Variants in STK39 observed in about 807,000 individuals in gnomAD.
The protein encoded by STK39 is serine/threonine kinase 39.
Under a neutral mutation model 77.8 loss-of-function variants are expected in STK39, and 20 were observed. That is an observed-to-expected ratio of 0.26 (90% CI 0.18 to 0.37). The LOEUF is 0.37. Ranked by LOEUF, STK39 falls within the 10% of genes least tolerant of loss-of-function variation. The pLI, the probability that STK39 is intolerant of heterozygous loss-of-function variation, is 1.00. For missense variants in STK39, 479 were observed against 656.5 expected (o/e 0.73, Z 2.95); for synonymous variants, 246 against 234.1 (o/e 1.05, Z -0.47).
intron 1 of STK39, among the ~76,000 whole-genome samples, chr2:168,241,432 G>A (rs568261836): frequency 1.3e-5 from 2 of 152,178 alleles, no homozygotes; most frequent in South Asian, 2.1e-4. Flanking sequence ...CAACCTTCCC[G>A]CAGGATGCTC....
intron 17 of STK39, among the ~76,000 whole-genome samples, chr2:167,962,380 A>C (rs894907569): frequency 6.6e-6 from 1 of 152,204 alleles, no homozygotes; most frequent in Non-Finnish European, 1.5e-5. Context: ...AGCTCTGCCA[A>C]GTGGATCTCA....
At position 168,243,980 on chromosome 2, in the gene STK39, G is replaced by A. The variant is rs746468504; in HGVS notation, c.208+3248C>T. Among the ~76,000 whole-genome samples, 3 of 152,088 alleles carry A rather than the reference G, an allele frequency of 2.0e-5. No individual in the cohort carries two copies. In the East Asian group the frequency reaches 5.8e-4, roughly 29 times the overall value. On this transcript the variant is annotated intron_variant, in intron 1 of 17. Coordinates refer to ENST00000355999, the MANE Select transcript of STK39 (RefSeq NM_013233.3). ...CAAGGCTGAAGAGTATAAACAGGTC[G>A]GAAAGCCTCCAAAAAGACAGAAATA...
At chr2:168,194,935 T>C (rs1354090826) in intron 1 of STK39, among the ~76,000 whole-genome samples, 1 of 152,220 alleles carries the variant, frequency 6.6e-6, no homozygotes, top group African/African-American at 2.4e-5. Context: ...CCCAGATGTA[T>C]GACACATCTC....
rs1684406774 is a variant in STK39, at chr2:168,016,401, A to AAAG, written c.1429+641_1429+642insCTT. Among the ~76,000 whole-genome samples the AAAG allele has an allele frequency of 2.0e-5, 3 of 150,816 alleles. No individual in the cohort carries two copies. In the South Asian group the frequency reaches 6.3e-4, roughly 31 times the overall value. ...TGGCCTTTGTTCAAAAAAAAAAAAA[A>AAAG]AAAAAAAAAAAACAACACTACTGAA... On this transcript the variant is annotated intron_variant, in intron 15 of 17. Transcript: ENST00000355999.
chr2:167,987,533 C>T (rs1683592118), intron 16 of STK39, among the ~76,000 whole-genome samples: 1 of 152,136 alleles, frequency 6.6e-6, no homozygotes. Flanking sequence ...GTATTCTGTT[C>T]ATGGCTGTCC....
chr2:167,957,473 T>C (rs1355563161), intron 17 of STK39, among the ~76,000 whole-genome samples: 1 of 152,208 alleles, frequency 6.6e-6, no homozygotes, highest in African/African-American at 2.4e-5. Context: ...TCCCTATCCA[T>C]TTTCTCCTTG....
intron 1 of STK39, among the ~76,000 whole-genome samples, chr2:168,187,923 C>T (rs1689248112): frequency 6.6e-6 from 1 of 152,012 alleles, no homozygotes; most frequent in Non-Finnish European, 1.5e-5. Flanking sequence ...GTTATGGCCC[C>T]TGGAAGGAAG....
chr2:168,066,452 C>A (rs1015070602), intron 12 of STK39, among the ~76,000 whole-genome samples: 1 of 152,266 alleles, frequency 6.6e-6, no homozygotes, highest in East Asian at 1.9e-4. Flanking sequence ...ACAAAACAAC[C>A]TGTATTCATT....
intron 10 of STK39, among the ~76,000 whole-genome samples, chr2:168,089,271 C>T (rs1373940884): frequency 1.3e-5 from 2 of 152,196 alleles, no homozygotes; most frequent in East Asian, 1.9e-4. Flanking sequence ...CTGCCTTCTT[C>T]GTCCAGTAAA....
intron 3 of STK39, among the ~76,000 whole-genome samples, chr2:168,166,791 T>A (rs1369281524): frequency 6.6e-6 from 1 of 152,170 alleles, no homozygotes. Context: ...ATTTCCATCA[T>A]CACAGAACAT....
intron 13 of STK39, 41 bp from the exon 14 acceptor site, chr2:168,063,611 A>G (rs367544625): frequency 6.5e-7 from 1 of 1,537,044 alleles, no homozygotes; most frequent in African/African-American, 1.4e-5. Context: ...AAACTGTATC[A>G]GGAAAGGAAT....
At chr2:168,088,937 C>G (rs764747877) in intron 10 of STK39, among the ~76,000 whole-genome samples, 2 of 152,214 alleles carry the variant, frequency 1.3e-5, no homozygotes, top group African/African-American at 4.8e-5. Flanking sequence ...AAGGTGATAT[C>G]TGAGATTGTG....
Position 168,019,468 on chromosome 2 carries a change from T to G in STK39, c.1377-2373A>C, listed in dbSNP as rs140689866. Among the ~76,000 whole-genome samples, 5 of 152,366 alleles carry G rather than the reference T, an allele frequency of 3.3e-5. No homozygotes were observed. The East Asian group carries it at 9.6e-4, about 29-fold the overall frequency. ...AGATGGTTCAGTACTATCTTTGGCT[T>G]CAGTTATTCACAGTGGTTTTGAAAC... On this transcript the variant is annotated intron_variant, in intron 14 of 17. Coordinates refer to ENST00000355999, the MANE Select transcript of STK39 (RefSeq NM_013233.3).
intron 13 of STK39, among the ~76,000 whole-genome samples, chr2:168,064,446 G>C (rs972920491): frequency 6.6e-6 from 1 of 152,100 alleles, no homozygotes; most frequent in Non-Finnish European, 1.5e-5. Flanking sequence ...CTAGTGGTGT[G>C]ACTATGGGGG....
At chr2:168,218,127 T>A (rs1204811364) in intron 1 of STK39, among the ~76,000 whole-genome samples, 1 of 152,180 alleles carries the variant, frequency 6.6e-6, no homozygotes, top group African/African-American at 2.4e-5. Context: ...AAGGGAATTG[T>A]AATGGAGAAA....
intron 2 of STK39, among the ~76,000 whole-genome samples, chr2:168,172,027 T>G (rs983115906): frequency 6.6e-6 from 1 of 152,116 alleles, no homozygotes; most frequent in Non-Finnish European, 1.5e-5. Context: ...CTTGATTACC[T>G]AGGCGGGTTA....
intron 10 of STK39, among the ~76,000 whole-genome samples, chr2:168,116,499 T>C (rs1476191508): frequency 6.6e-6 from 1 of 152,180 alleles, no homozygotes; most frequent in African/African-American, 2.4e-5. Flanking sequence ...TAAAAAAATA[T>C]ATTTTTAAAA....
chr2:167,964,534 C>T, intron 17 of STK39, 128 bp downstream of exon 17: 1 of 889,556 alleles, frequency 1.1e-6, no homozygotes, highest in Non-Finnish European at 1.7e-6. Context: ...CTTCCAAATG[C>T]AAAAATTGAT....
chr2:167,991,081 C>T (rs953535196), intron 16 of STK39, among the ~76,000 whole-genome samples: 3 of 152,168 alleles, frequency 2.0e-5, no homozygotes, highest in Non-Finnish European at 2.9e-5. Context: ...ACCCGATACA[C>T]GGGAATGTTT....
Sources: allele counts gnomAD v4.1 joint callset (sites outside exome capture counted in the v4.1 genomes callset), GRCh38; gene constraint gnomAD v4.1.1; transcripts MANE v1.5; gene names NCBI Gene and HGNC (gene_info 2026-07-23, HGNC 2026-07-21).